Variants in DPH6 observed in about 807,000 individuals in gnomAD.
DPH6 encodes the protein diphthine--ammonia ligase.
A neutral mutation model predicts 38.2 loss-of-function variants in DPH6; 33 were observed. The observed-to-expected ratio is 0.86, with a 90% CI of 0.65 to 1.15. The LOEUF is 1.15. Ranked by LOEUF, DPH6 falls within the 50% of genes most tolerant of loss-of-function variation. The probability of loss-of-function intolerance (pLI) is 0.00; values close to 1 mark genes in which losing one functional copy is unlikely to be tolerated. For missense variants in DPH6, 325 were observed against 320.0 expected (o/e 1.02, Z -0.12); for synonymous variants, 108 against 103.0 (o/e 1.05, Z -0.30).
At chr15:35,334,563 T>C (rs890172457) in intron 3 of DPH6, among the ~76,000 whole-genome samples, 1 of 151,930 alleles carries the variant, frequency 6.6e-6, no homozygotes, top group Non-Finnish European at 1.5e-5. Flanking sequence ...CCCTACCCCA[T>C]GCCCCCAATA....
chr15:35,178,398 G>A, the DPH6 span, among the ~76,000 whole-genome samples: 1 of 152,260 alleles, frequency 6.6e-6, no homozygotes, highest in Non-Finnish European at 1.5e-5. Flanking sequence ...GTCTTACATG[G>A]CAGCAGGCAA....
the DPH6 span, among the ~76,000 whole-genome samples, chr15:35,156,503 G>A: frequency 6.6e-6 from 1 of 152,078 alleles, no homozygotes; most frequent in Non-Finnish European, 1.5e-5. Context: ...TTCAAGCTCT[G>A]TGTGTGGGAG....
the DPH6 span, among the ~76,000 whole-genome samples, chr15:35,158,091 C>T: frequency 4.6e-5 from 7 of 152,116 alleles, no homozygotes; most frequent in East Asian, 1.9e-4. Flanking sequence ...AAGAAGACAT[C>T]TGCCATTGCC....
chr15:35,364,788 T>A (rs141826998), intron 3 of DPH6, among the ~76,000 whole-genome samples: 2 of 152,036 alleles, frequency 1.3e-5, no homozygotes, highest in Non-Finnish European at 2.9e-5. Flanking sequence ...ATAAGACTTC[T>A]TGAATCTATA....
At chr15:35,272,291 C>T (rs1210456290) in intron 3 of DPH6, among the ~76,000 whole-genome samples, 1 of 152,022 alleles carries the variant, frequency 6.6e-6, no homozygotes, top group African/African-American at 2.4e-5. Flanking sequence ...ATATAAGGCA[C>T]TTGAGTATCT....
intron 3 of DPH6, among the ~76,000 whole-genome samples, chr15:35,285,592 G>A (rs1281820953): frequency 6.6e-6 from 1 of 152,020 alleles, no homozygotes. Context: ...CCAGTCTTGA[G>A]TATGTCTTTA....
chr15:35,219,500 T>C (rs1344954355), exon 4 of DPH6: 6 of 152,222 alleles, frequency 3.9e-5, no homozygotes, highest in Admixed American at 3.9e-4. Context: ...ATGACGCTTT[T>C]AATACAGATA....
At chr15:35,290,117 A>C (rs138409136) in intron 3 of DPH6, among the ~76,000 whole-genome samples, 17 of 152,376 alleles carry the variant, frequency 1.1e-4, no homozygotes, top group African/African-American at 3.1e-4. Context: ...TACTAAAACA[A>C]GGGCAAATTG....
chr15:35,231,438 C>T (rs968836539), intron 3 of DPH6, among the ~76,000 whole-genome samples: 5 of 152,308 alleles, frequency 3.3e-5, no homozygotes, highest in Non-Finnish European at 5.9e-5. Flanking sequence ...TCTTCAGTGC[C>T]TCTTCCAGTG....
In DPH6 at chr15:35,372,216, G is replaced by C; in HGVS notation, c.751-13C>G. The C allele has an allele frequency of 3.4e-6, 5 of 1,467,600 alleles. No homozygotes were observed. Among genetic ancestry groups the C allele is most frequent in the Non-Finnish European group, 3.6e-6 (4 of 1,107,672 alleles). 90.9% of individuals were successfully genotyped at this position (1,467,600 alleles called of 1,614,324 possible). On this transcript the variant is annotated splice_polypyrimidine_tract_variant and intron_variant, in intron 8 of 8. Transcript: ENST00000256538. ...GCACTGAGGACACCTAAAAAAAAAA[G>C]GGAAGGAAAGGGAAGGAAAATGCAC...
chr15:35,449,273 A>T (rs927022792), intron 5 of DPH6, among the ~76,000 whole-genome samples: 12 of 152,212 alleles, frequency 7.9e-5, no homozygotes, highest in Admixed American at 1.3e-4. Context: ...GCCAAAGACA[A>T]ATCAGCTCAG....
chr15:35,154,975 G>A, the DPH6 span, among the ~76,000 whole-genome samples: 6 of 152,186 alleles, frequency 3.9e-5, no homozygotes, highest in Non-Finnish European at 8.8e-5. Context: ...TGAGGAAAAT[G>A]TTCTTTTTCC....
chr15:35,344,733 T>G (rs1002635848), intron 3 of DPH6, among the ~76,000 whole-genome samples: 2 of 151,898 alleles, frequency 1.3e-5, no homozygotes, highest in Non-Finnish European at 3.0e-5. Flanking sequence ...CTGAATAACT[T>G]TATTCAGCTA....
chr15:35,244,116 A>G (rs2051619364), intron 3 of DPH6, among the ~76,000 whole-genome samples: 1 of 151,566 alleles, frequency 6.6e-6, no homozygotes, highest in Non-Finnish European at 1.5e-5. Flanking sequence ...CTATATACAA[A>G]TGTCAATTTT....
At chr15:35,232,969 A>C (rs949753035) in intron 3 of DPH6, among the ~76,000 whole-genome samples, 1 of 152,156 alleles carries the variant, frequency 6.6e-6, no homozygotes, top group Non-Finnish European at 1.5e-5. Context: ...GACAATTAGC[A>C]AAATAAAGTA....
rs957332700 is a variant in DPH6 at position 35,500,837 on chromosome 15, C to T, written c.312+37437G>A. On this transcript the variant is annotated intron_variant, in intron 3 of 8. Coordinates refer to ENST00000256538, the MANE Select transcript of DPH6 (RefSeq NM_080650.4). ...GCAGTGGCATAATCTTGGCTCACTGCAACCTCTGCCTCCCAGGTTCTCCCT... is the reference window on the plus strand; with the variant it reads ...GCAGTGGCATAATCTTGGCTCACTGTAACCTCTGCCTCCCAGGTTCTCCCT... 4.6e-5 allele frequency among the ~76,000 whole-genome samples: 7 copies of T among 152,108 alleles called. No individual in the cohort carries two copies. In the East Asian group the frequency reaches 7.7e-4, roughly 17 times the overall value.
rs2053438536 is a variant in DPH6, at chr15:35,416,546, G to A, written c.506-5650C>T. 2.0e-5 allele frequency among the ~76,000 whole-genome samples: 3 copies of A among 151,940 alleles called. No homozygotes were observed. In the South Asian group the frequency reaches 6.2e-4, roughly 31 times the overall value. On this transcript the variant is annotated intron_variant, in intron 5 of 8. Transcript: ENST00000256538. The stretch of plus-strand genomic sequence containing the variant: ...AATATAATAGCCTGCAGACTCTTCT[G>A]AATGGATTTTTATACTTTAATTCAA...
At chr15:35,312,124 G>C (rs993147220) in intron 3 of DPH6, among the ~76,000 whole-genome samples, 4 of 151,432 alleles carry the variant, frequency 2.6e-5, no homozygotes, top group Admixed American at 2.6e-4. Flanking sequence ...CTGAGATAAG[G>C]AAAGCTACTA....
intron 3 of DPH6, among the ~76,000 whole-genome samples, chr15:35,505,508 GT>G (rs903346511): frequency 3.3e-5 from 5 of 151,914 alleles, no homozygotes; most frequent in Non-Finnish European, 5.9e-5. Flanking sequence ...CTCATTGAAA[GT>G]TTTTTTTCTA....
Sources: gnomAD v4.1 joint callset for allele counts (sites outside exome capture counted in the v4.1 genomes callset) on GRCh38, gnomAD v4.1.1 for gene constraint, MANE v1.5 for transcripts, NCBI Gene and HGNC (gene_info 2026-07-23, HGNC 2026-07-21) for gene names.